PTPDC1: variants seen among roughly 807,000 people sequenced by gnomAD.
The protein encoded by PTPDC1 is protein tyrosine phosphatase domain containing 1.
PTPDC1 carries 53 observed loss-of-function variants against 75.3 expected under a neutral mutation model. The observed-to-expected ratio is 0.70, with a 90% CI of 0.56 to 0.88. PTPDC1 has a LOEUF of 0.88. Ranked by LOEUF, PTPDC1 falls within the 40% of genes least tolerant of loss-of-function variation. The pLI is 0.00. For missense variants in PTPDC1, 925 were observed against 998.6 expected (o/e 0.93, Z 0.99); for synonymous variants, 349 against 366.2 (o/e 0.95, Z 0.54).
At chr9:94,033,531 C>T (rs576741768) in intron 1 of PTPDC1, among the ~76,000 whole-genome samples, 1 of 152,168 alleles carries the variant, frequency 6.6e-6, no homozygotes, top group Non-Finnish European at 1.5e-5. Flanking sequence ...CTGGTGACGT[C>T]CTCTCTGATT....
intron 4 of PTPDC1, among the ~76,000 whole-genome samples, chr9:94,089,225 C>A (rs1474890370): frequency 1.1e-4 from 13 of 116,358 alleles, no homozygotes; most frequent in South Asian, 3.5e-4. Flanking sequence ...GCTATCCCTC[C>A]CCCCTCCCCC....
intron 5 of PTPDC1, among the ~76,000 whole-genome samples, chr9:94,095,769 C>T (rs924631626): frequency 6.6e-6 from 1 of 151,496 alleles, no homozygotes; most frequent in African/African-American, 2.4e-5. Flanking sequence ...CACTATATAC[C>T]CCATAGATAT....
At chr9:94,074,637 AG>A (rs1174186229) in intron 2 of PTPDC1, among the ~76,000 whole-genome samples, 1 of 152,102 alleles carries the variant, frequency 6.6e-6, no homozygotes, top group Non-Finnish European at 1.5e-5. Context: ...CATTGACACC[AG>A]GGGATTGGGA....
chr9:94,101,807 G>C, intron 7 of PTPDC1, 56 bp downstream of exon 7: 1 of 931,534 alleles, frequency 1.1e-6, no homozygotes, highest in Middle Eastern at 2.8e-4. Context: ...AGTTTTTCAC[G>C]CAGAAAAAAA....
chr9:94,074,187 T>C (rs914733898), intron 2 of PTPDC1, among the ~76,000 whole-genome samples: 1 of 152,168 alleles, frequency 6.6e-6, no homozygotes, highest in Non-Finnish European at 1.5e-5. Context: ...CTTGAAGCAT[T>C]AGCCAGGAGC....
rs1159956791 is a variant in PTPDC1, at chr9:94,101,815, A to T, written c.2199+64A>T. On this transcript the variant is annotated intron_variant, in intron 7 of 8. Transcript: ENST00000620992. ...GGCCCTTAGTTTTTCACGCAGAAAA[A>T]AAAAATCCATTATAAAAAAAGAGAA... The T allele has an allele frequency of 4.4e-6, 4 of 900,118 alleles. No individual in the cohort carries two copies. The Admixed American group carries it at 1.1e-4, about 25-fold the overall frequency. 55.8% of individuals were successfully genotyped at this position (900,118 alleles called of 1,614,324 possible). A position where few individuals can be genotyped will look rare whatever the true frequency, so the allele number is the denominator to read the frequency against.
intron 6 of PTPDC1, among the ~76,000 whole-genome samples, chr9:94,099,080 A>T (rs1434057312): frequency 1.3e-5 from 2 of 152,260 alleles, no homozygotes; most frequent in Non-Finnish European, 2.9e-5. Flanking sequence ...ATCCTGCCCT[A>T]ATAGGGCAAC....
chr9:94,104,418 C>A, intron 8 of PTPDC1, 33 bp downstream of exon 8: 1 of 1,378,128 alleles, frequency 7.3e-7, no homozygotes, highest in Admixed American at 1.7e-5. Flanking sequence ...CCTCTCTGAA[C>A]CACAGATCAG....
rs1197889566 is a variant in PTPDC1, at chr9:94,097,416, A to G, written c.850A>G (p.Thr284Ala). ...GGCAAAGCGACCCAATTCCATACAA[A>G]CCAGAGGACAGCTCCTCTGTGTAAG... is the stretch of plus-strand genomic sequence containing the variant. ...VRAKRPNSIQTRGQLLCVREF... is the reference protein window; with the variant it reads ...VRAKRPNSIQARGQLLCVREF... Residue 284 changes from threonine to alanine, a missense_variant, in exon 6 of 9, where the codon ACC becomes GCC. Transcript: ENST00000620992. 6 of 1,613,710 alleles carry G rather than the reference A, an allele frequency of 3.7e-6. No individual in the cohort carries two copies. Among genetic ancestry groups the G allele is most frequent in the Non-Finnish European group, 5.1e-6 (6 of 1,179,762 alleles).
intron 1 of PTPDC1, among the ~76,000 whole-genome samples, chr9:94,050,415 T>C (rs1450051800): frequency 6.6e-6 from 1 of 152,208 alleles, no homozygotes; most frequent in Non-Finnish European, 1.5e-5. Flanking sequence ...TTTCTGTTTG[T>C]TAGTTTTCCT....
chr9:94,098,752 A>G (rs989827176), intron 6 of PTPDC1, 173 bp downstream of exon 6: 5 of 640,138 alleles, frequency 7.8e-6, no homozygotes, highest in East Asian at 2.7e-5. Context: ...TATAGAAAAA[A>G]CACAGGGTGT....
At chr9:94,053,912 A>G (rs1010038193) in intron 1 of PTPDC1, among the ~76,000 whole-genome samples, 1 of 152,342 alleles carries the variant, frequency 6.6e-6, no homozygotes, top group Non-Finnish European at 1.5e-5. Flanking sequence ...TACTGTTCCT[A>G]CCTTACAGAT....
At chr9:94,087,273 C>T (rs1827105844) in intron 2 of PTPDC1, among the ~76,000 whole-genome samples, 1 of 152,102 alleles carries the variant, frequency 6.6e-6, no homozygotes, top group African/African-American at 2.4e-5. Context: ...TCTTAGAGCT[C>T]TAATCATCCA....
At position 94,098,423 on chromosome 9, in the gene PTPDC1, C is replaced by G; in HGVS notation, c.1857C>G (p.Thr619=). 1 of 1,614,146 alleles carries G rather than the reference C, an allele frequency of 6.2e-7. No individual in the cohort carries two copies. Among genetic ancestry groups the G allele is most frequent in the East Asian group, 2.2e-5 (1 of 44,878 alleles). The change falls in exon 6 of 9, where the codon ACC becomes ACG. Residue 619 remains threonine (T), a synonymous_variant. Transcript: ENST00000620992. ...PKAQFLVEHE[T]QDSKDLSEAA... is the part of the protein sequence containing the mutation. The stretch of plus-strand genomic sequence containing the variant: ...CACAGTTCTTGGTTGAACATGAAAC[C>G]CAGGACAGTAAAGATCTGTCTGAAG...
At chr9:94,092,271 C>A (rs1032271693) in intron 4 of PTPDC1, among the ~76,000 whole-genome samples, 2 of 144,444 alleles carry the variant, frequency 1.4e-5, no homozygotes, top group African/African-American at 5.3e-5. Flanking sequence ...CCCAGAGATT[C>A]TGGTATGTTG....
At position 94,088,237 on chromosome 9, in the gene PTPDC1, T is replaced by A; in HGVS notation, c.590T>A (p.Leu197His). Residue 197 changes from leucine (L) to histidine (H), a missense_variant, in exon 4 of 9, where the codon CTT becomes CAT. By Grantham distance (99) the Leu-to-His change is moderately conservative (BLOSUM62 -3). Transcript: ENST00000620992. ...PLEQESGFTY[L>H]PEAFMEAGIY... ...GAACAAGAAAGTGGCTTCACATACC[T>A]TCCTGAGGCTTTCATGGAGGCTGGC... 1 of 1,613,966 alleles carries A rather than the reference T, an allele frequency of 6.2e-7. No homozygotes were observed. The highest frequency in any genetic ancestry group is 1.3e-5 in the African/African-American group (1 of 75,042).
chr9:94,050,879 C>A (rs1180509611), intron 1 of PTPDC1, among the ~76,000 whole-genome samples: 1 of 152,234 alleles, frequency 6.6e-6, no homozygotes, highest in Non-Finnish European at 1.5e-5. Context: ...AGCTTCTCGG[C>A]CGCTTTGTTT....
rs928952374 is a variant in PTPDC1 at position 94,088,085 on chromosome 9, A to T, written c.498-60A>T. ...TTAATAATGTTGATTAATACCAAAA[A>T]TGGTTAATTTTTTTTAAATGCTAGC... On this transcript the variant is annotated intron_variant, in intron 3 of 8. Transcript: ENST00000620992. 8 of 1,580,722 alleles carry T rather than the reference A, an allele frequency of 5.1e-6. No homozygotes were observed. The African/African-American group carries it at 1.1e-4, about 22-fold the overall frequency.
chr9:94,042,639 C>T (rs1201467835), intron 1 of PTPDC1, among the ~76,000 whole-genome samples: 1 of 152,204 alleles, frequency 6.6e-6, no homozygotes, highest in Admixed American at 6.5e-5. Context: ...TGGCTGCTGA[C>T]TGATCGGGAT....
Sources: allele counts gnomAD v4.1 joint callset (sites outside exome capture counted in the v4.1 genomes callset), GRCh38; gene constraint gnomAD v4.1.1; transcripts MANE v1.5; gene names NCBI Gene and HGNC (gene_info 2026-07-23, HGNC 2026-07-21).